GABRB1: variants seen among roughly 807,000 people sequenced by gnomAD.
The protein encoded by GABRB1 is gamma-aminobutyric acid type A receptor subunit beta1, also known as gamma-aminobutyric acid receptor subunit beta-1.
A neutral mutation model predicts 51.6 loss-of-function variants in GABRB1; 17 were observed. The ratio of observed to expected loss-of-function variants is 0.33; its 90% CI spans 0.23 to 0.49. The LOEUF (loss-of-function observed/expected upper bound fraction) is 0.49. GABRB1 is among the 20% of genes least tolerant of loss of function. The pLI is 0.99. For missense variants in GABRB1, 410 were observed against 600.6 expected (o/e 0.68, Z 3.32); for synonymous variants, 247 against 218.9 (o/e 1.13, Z -1.14).
chr4:47,347,185 G>A (rs1578111267), intron 5 of GABRB1, among the ~76,000 whole-genome samples: 1 of 152,102 alleles, frequency 6.6e-6, no homozygotes, highest in Middle Eastern at 3.4e-3. Flanking sequence ...GGGAACCTGA[G>A]GCATGAGACT....
At chr4:47,341,572 A>G (rs892972877) in intron 5 of GABRB1, among the ~76,000 whole-genome samples, 12 of 152,182 alleles carry the variant, frequency 7.9e-5, no homozygotes, top group African/African-American at 2.9e-4. Flanking sequence ...CACTCAAATT[A>G]GTGTTCTTCT....
chr4:47,228,325 T>C (rs1321985446), intron 4 of GABRB1, among the ~76,000 whole-genome samples: 9 of 152,020 alleles, frequency 5.9e-5, no homozygotes, highest in Admixed American at 5.9e-4. Flanking sequence ...TCAGGGTGGG[T>C]CAGGCATAAG....
chr4:47,329,491 A>ATAGAGAAT (rs1465208058), intron 5 of GABRB1, among the ~76,000 whole-genome samples: 4 of 148,858 alleles, frequency 2.7e-5, no homozygotes, highest in Non-Finnish European at 5.9e-5. Flanking sequence ...TATAAAGAAT[A>ATAGAGAAT]TAGAGAATAT....
At chr4:47,266,284 C>T (rs747492269) in intron 4 of GABRB1, among the ~76,000 whole-genome samples, 2 of 152,016 alleles carry the variant, frequency 1.3e-5, no homozygotes, top group Admixed American at 6.6e-5. Context: ...CTATTCTGTT[C>T]TATAATTTTA....
intron 3 of GABRB1, among the ~76,000 whole-genome samples, chr4:47,038,877 A>C (rs1347884775): frequency 6.6e-6 from 1 of 152,172 alleles, no homozygotes; most frequent in Non-Finnish European, 1.5e-5. Context: ...AGGAGGAAGA[A>C]TTAGTAGATG....
intron 5 of GABRB1, among the ~76,000 whole-genome samples, chr4:47,325,832 A>T (rs1028052274): frequency 2.6e-5 from 4 of 152,008 alleles, no homozygotes; most frequent in Admixed American, 1.3e-4. Flanking sequence ...TTAGTTTCCC[A>T]TTGCTATTGT....
At chr4:47,072,006 A>T (rs1484670935) in intron 3 of GABRB1, among the ~76,000 whole-genome samples, 1 of 151,648 alleles carries the variant, frequency 6.6e-6, no homozygotes, top group Non-Finnish European at 1.5e-5. Flanking sequence ...TTACAGAGGA[A>T]ATGAAGTCAT....
chr4:47,042,405 ATGTG>A (rs1560507961), intron 3 of GABRB1, among the ~76,000 whole-genome samples: 10,600 of 94,558 alleles, frequency 0.11, 497 homozygotes, highest in Middle Eastern at 0.2. Context: ...ATGTATGTGT[ATGTG>A]TACAGTATAT....
chr4:47,250,596 A>T (rs1282397293), intron 4 of GABRB1, among the ~76,000 whole-genome samples: 1 of 152,156 alleles, frequency 6.6e-6, no homozygotes, highest in Non-Finnish European at 1.5e-5. Flanking sequence ...GGTTAGTGTT[A>T]GGTTTGGTCA....
intron 5 of GABRB1, among the ~76,000 whole-genome samples, chr4:47,391,473 C>A (rs903416154): frequency 1.3e-5 from 2 of 152,208 alleles, no homozygotes; most frequent in African/African-American, 2.4e-5. Flanking sequence ...CTCCCCACCT[C>A]AACTGCAAGC....
intron 3 of GABRB1, among the ~76,000 whole-genome samples, chr4:47,039,999 A>T (rs1299178097): frequency 6.6e-6 from 1 of 152,216 alleles, no homozygotes; most frequent in South Asian, 2.1e-4. Flanking sequence ...ATAGTTATTC[A>T]TCTTGGAAGT....
chr4:47,120,847 G>A (rs1374932103), intron 3 of GABRB1, among the ~76,000 whole-genome samples: 1 of 151,996 alleles, frequency 6.6e-6, no homozygotes, highest in Non-Finnish European at 1.5e-5. Context: ...TGATATCCAG[G>A]TTGCAAGAGT....
chr4:46,998,430 G>A (rs1380125616), intron 1 of GABRB1, among the ~76,000 whole-genome samples: 1 of 152,028 alleles, frequency 6.6e-6, no homozygotes, highest in Non-Finnish European at 1.5e-5. Context: ...AAAGTCTGAA[G>A]TTTTAAAATA....
intron 1 of GABRB1, among the ~76,000 whole-genome samples, chr4:47,011,489 G>A (rs760031701): frequency 6.6e-6 from 1 of 152,082 alleles, no homozygotes; most frequent in African/African-American, 2.4e-5. Context: ...TCCCAAGTAG[G>A]GTCAAATGGT....
chr4:47,253,174 T>C (rs1366745354), intron 4 of GABRB1, among the ~76,000 whole-genome samples: 4 of 152,164 alleles, frequency 2.6e-5, no homozygotes, highest in African/African-American at 9.7e-5. Flanking sequence ...CTTGAACAGA[T>C]ATACTATAAA....
At chr4:47,252,661 C>A (rs1025487417) in intron 4 of GABRB1, among the ~76,000 whole-genome samples, 4 of 151,894 alleles carry the variant, frequency 2.6e-5, no homozygotes, top group Non-Finnish European at 5.9e-5. Context: ...GCACCCACCA[C>A]CATGCCTGGC....
intron 8 of GABRB1, among the ~76,000 whole-genome samples, chr4:47,407,326 C>T (rs903355650): frequency 4.6e-5 from 7 of 152,136 alleles, no homozygotes; most frequent in Admixed American, 1.3e-4. Context: ...AGTTTAGTCA[C>T]CTAATGGCTT....
chr4:47,390,565 T>C (rs1727949826), intron 5 of GABRB1, among the ~76,000 whole-genome samples: 1 of 152,218 alleles, frequency 6.6e-6, no homozygotes, highest in Non-Finnish European at 1.5e-5. Context: ...CTTAATTTTA[T>C]CTGTACTTTC....
intron 1 of GABRB1, among the ~76,000 whole-genome samples, chr4:47,001,543 G>A (rs4695185): frequency 0.12 from 18,385 of 152,148 alleles, 1,371 homozygotes; most frequent in East Asian, 0.23. Flanking sequence ...TAATTTGGGC[G>A]AGCCTCATCC....
Sources: gnomAD v4.1 joint callset for allele counts (sites outside exome capture counted in the v4.1 genomes callset) on GRCh38, gnomAD v4.1.1 for gene constraint, MANE v1.5 for transcripts, NCBI Gene and HGNC (gene_info 2026-07-23, HGNC 2026-07-21) for gene names.